Variants in FRAS1 observed in about 807,000 individuals in gnomAD.
The protein encoded by FRAS1 is extracellular matrix organizing protein FRAS1.
Under a neutral mutation model 435.2 loss-of-function variants are expected in FRAS1, and 290 were observed. The ratio of observed to expected loss-of-function variants is 0.67; its 90% confidence interval spans 0.61 to 0.73. FRAS1 has a LOEUF of 0.73. Among genes scored for constraint, FRAS1 ranks in the 30% least tolerant of loss-of-function variants. FRAS1 has a pLI of 0.00. For missense variants in FRAS1, 4,860 were observed against 5,001.5 expected (o/e 0.97, Z 0.85); for synonymous variants, 1,800 against 1,851.0 (o/e 0.97, Z 0.71).
At chr4:78,463,960 C>T in intron 47 of FRAS1, 61 bp from the exon 48 acceptor site, 1 of 1,588,984 alleles carries the variant, frequency 6.3e-7, no homozygotes, top group South Asian at 1.1e-5. Context: ...CTTCCCTAGC[C>T]TTAGATATAT....
intron 63 of FRAS1, among the ~76,000 whole-genome samples, chr4:78,510,490 GA>G (rs1720998340): frequency 6.6e-6 from 1 of 152,202 alleles, no homozygotes; most frequent in South Asian, 2.1e-4. Flanking sequence ...GGACTTCAGT[GA>G]AAATTGTTTT....
intron 47 of FRAS1, among the ~76,000 whole-genome samples, chr4:78,454,594 G>A (rs867018402): frequency 3.9e-5 from 6 of 152,134 alleles, no homozygotes; most frequent in South Asian, 4.2e-4. Flanking sequence ...AATTGTCTCC[G>A]CCAGAATTCT....
At chr4:78,391,334 A>G (rs1250328136) in intron 29 of FRAS1, among the ~76,000 whole-genome samples, 3 of 152,234 alleles carry the variant, frequency 2.0e-5, no homozygotes, top group Non-Finnish European at 4.4e-5. Flanking sequence ...ATGTTGAAAC[A>G]TGTTCTGTTG....
chr4:78,159,893 C>T (rs919667344), intron 2 of FRAS1, among the ~76,000 whole-genome samples: 2 of 152,044 alleles, frequency 1.3e-5, no homozygotes, highest in Admixed American at 1.3e-4. Context: ...AAAAACAAAA[C>T]AAAAACAAAC....
intron 1 of FRAS1, among the ~76,000 whole-genome samples, chr4:78,060,017 T>C (rs920970749): frequency 6.6e-6 from 1 of 152,144 alleles, no homozygotes; most frequent in African/African-American, 2.4e-5. Flanking sequence ...ATTGATAAAT[T>C]GATAGATGTC....
At chr4:78,371,306 A>T (rs1340028123) in intron 23 of FRAS1, among the ~76,000 whole-genome samples, 2 of 152,088 alleles carry the variant, frequency 1.3e-5, no homozygotes, top group Non-Finnish European at 2.9e-5. Context: ...TTGCACATTT[A>T]CCTGATTTCT....
chr4:78,198,766 A>AGAT (rs989497305), intron 2 of FRAS1, among the ~76,000 whole-genome samples: 1 of 152,288 alleles, frequency 6.6e-6, no homozygotes, highest in African/African-American at 2.4e-5. Flanking sequence ...TTCAACATGA[A>AGAT]GATGATGAAG....
chr4:78,138,373 C>A (rs751556280), intron 2 of FRAS1, among the ~76,000 whole-genome samples: 9 of 152,110 alleles, frequency 5.9e-5, no homozygotes, highest in Non-Finnish European at 8.8e-5. Flanking sequence ...AGGCCTAATG[C>A]CAATATCTGG....
intron 2 of FRAS1, among the ~76,000 whole-genome samples, chr4:78,129,359 A>T (rs1719564206): frequency 6.6e-6 from 1 of 152,208 alleles, no homozygotes; most frequent in Non-Finnish European, 1.5e-5. Context: ...AGCCTAGAGA[A>T]TATGTTGATT....
At chr4:78,450,485 A>ATT (rs35488967) in intron 45 of FRAS1, 146 bp downstream of exon 45, 3,397 of 558,710 alleles carry the variant, frequency 6.1e-3, no homozygotes, top group Middle Eastern at 9.5e-3. Context: ...TTGTTTTCTT[A>ATT]TTTTTTTTTT....
At chr4:78,304,488 C>G (rs918037868) in intron 14 of FRAS1, among the ~76,000 whole-genome samples, 3 of 152,178 alleles carry the variant, frequency 2.0e-5, no homozygotes, top group Admixed American at 1.3e-4. Flanking sequence ...GTGAATCCAT[C>G]TGGTTCTGGA....
At chr4:78,443,545 C>T (rs1203382444) in intron 41 of FRAS1, among the ~76,000 whole-genome samples, 5 of 152,214 alleles carry the variant, frequency 3.3e-5, no homozygotes, top group Admixed American at 1.3e-4. Context: ...CAAGACAGGA[C>T]CCACCTTGAT....
At chr4:78,343,611 T>G (rs973406830) in intron 20 of FRAS1, among the ~76,000 whole-genome samples, 4 of 152,224 alleles carry the variant, frequency 2.6e-5, no homozygotes, top group Non-Finnish European at 4.4e-5. Context: ...ATTTTTCCCA[T>G]TTATTGTCAC....
chr4:78,333,794 AAG>A (rs543387455), intron 19 of FRAS1, among the ~76,000 whole-genome samples: 2 of 151,664 alleles, frequency 1.3e-5, no homozygotes, highest in African/African-American at 4.8e-5. Flanking sequence ...CTATGGCTTA[AAG>A]AGAGAGAGAG....
chr4:78,512,124 G>A (rs1017550336), intron 64 of FRAS1, among the ~76,000 whole-genome samples: 5 of 152,152 alleles, frequency 3.3e-5, no homozygotes, highest in African/African-American at 1.2e-4. Context: ...GAAATTAGGA[G>A]ACATTGGACT....
At chr4:78,402,036 C>T (rs1375001245) in intron 30 of FRAS1, among the ~76,000 whole-genome samples, 1 of 151,574 alleles carries the variant, frequency 6.6e-6, no homozygotes, top group East Asian at 1.9e-4. Flanking sequence ...GACTAAAACC[C>T]CAAGAATTTC....
intron 2 of FRAS1, among the ~76,000 whole-genome samples, chr4:78,147,148 G>A (rs1720454158): frequency 6.6e-6 from 1 of 152,054 alleles, no homozygotes; most frequent in Admixed American, 6.6e-5. Flanking sequence ...CCCAGAGTCT[G>A]GAATCTTTTG....
chr4:78,286,234 C>G, intron 13 of FRAS1, 171 bp from the exon 14 acceptor site: 1 of 754,746 alleles, frequency 1.3e-6, no homozygotes, highest in Non-Finnish European at 2.3e-6. Flanking sequence ...CAAACAGTGG[C>G]TGACATGAAC....
At chr4:78,116,919 C>G (rs1313546448) in intron 2 of FRAS1, among the ~76,000 whole-genome samples, 1 of 152,196 alleles carries the variant, frequency 6.6e-6, no homozygotes. Flanking sequence ...CAGTTTCTTC[C>G]TAGCCTTGAT....
Sources: gnomAD v4.1 joint callset for allele counts (sites outside exome capture counted in the v4.1 genomes callset) on GRCh38, gnomAD v4.1.1 for gene constraint, MANE v1.5 for transcripts, NCBI Gene and HGNC (gene_info 2026-07-23, HGNC 2026-07-21) for gene names.